WWOX: variants seen among roughly 807,000 people sequenced by gnomAD.
WWOX encodes WW domain-containing oxidoreductase.
A neutral mutation model predicts 46.2 loss-of-function variants in WWOX; 69 were observed. That is an observed-to-expected ratio of 1.49 (90% confidence interval 1.23 to 1.82). The LOEUF (loss-of-function observed/expected upper bound fraction) is 1.82, where lower values mean the gene tolerates loss of function less well. WWOX is among the 40% of genes most tolerant of loss of function. The pLI, the probability that WWOX is intolerant of heterozygous loss-of-function variation, is 0.00. For missense variants in WWOX, 919 were observed against 542.6 expected (o/e 1.69, Z -6.89); for synonymous variants, 359 against 202.6 (o/e 1.77, Z -6.56).
At chr16:78,611,873 A>G (rs2045908451) in intron 8 of WWOX, among the ~76,000 whole-genome samples, 1 of 152,238 alleles carries the variant, frequency 6.6e-6, no homozygotes, top group African/African-American at 2.4e-5. Flanking sequence ...GGGGCGTGGC[A>G]TTGCTTCTCT....
chr16:78,593,474 C>A (rs2045399375), intron 8 of WWOX, among the ~76,000 whole-genome samples: 1 of 152,196 alleles, frequency 6.6e-6, no homozygotes, highest in Non-Finnish European at 1.5e-5. Flanking sequence ...AAATCAAAAC[C>A]ATTCCTACCA....
intron 5 of WWOX, among the ~76,000 whole-genome samples, chr16:78,310,470 T>TC (rs1808836407): frequency 6.6e-6 from 1 of 152,324 alleles, no homozygotes; most frequent in East Asian, 1.9e-4. Flanking sequence ...CAAGGCCAAA[T>TC]CACCAGATTG....
intron 8 of WWOX, among the ~76,000 whole-genome samples, chr16:78,465,707 T>C (rs893423728): frequency 1.3e-5 from 2 of 152,250 alleles, no homozygotes; most frequent in Admixed American, 6.5e-5. Context: ...GCATATTTCC[T>C]TTTAATTGCC....
intron 5 of WWOX, among the ~76,000 whole-genome samples, chr16:78,358,866 C>CTTT (rs57364873): frequency 0.064 from 7,788 of 120,794 alleles, 371 homozygotes; most frequent in Middle Eastern, 0.13. Flanking sequence ...ACACTGTGGT[C>CTTT]TTTTTTTTTT....
chr16:78,124,259 T>A (rs2151687980), intron 4 of WWOX: 1 of 152,344 alleles, frequency 6.6e-6, no homozygotes, highest in East Asian at 1.9e-4. Context: ...CAAAGCTATT[T>A]CACCAGAGTA....
chr16:78,767,010 C>T (rs904836042), intron 8 of WWOX, among the ~76,000 whole-genome samples: 2 of 152,240 alleles, frequency 1.3e-5, no homozygotes, highest in African/African-American at 4.8e-5. Context: ...TTTTCAAGGT[C>T]AATCCATATT....
chr16:78,150,884 TG>T (rs1277680829), intron 4 of WWOX, among the ~76,000 whole-genome samples: 2 of 151,920 alleles, frequency 1.3e-5, no homozygotes, highest in African/African-American at 4.8e-5. Context: ...CAAAGGTTTT[TG>T]TTTTTTTAGA....
At chr16:79,028,321 G>C (rs1008286465) in intron 8 of WWOX, among the ~76,000 whole-genome samples, 1 of 151,802 alleles carries the variant, frequency 6.6e-6, no homozygotes, top group East Asian at 1.9e-4. Flanking sequence ...GGATGTAGTT[G>C]GGTGACACTA....
intron 8 of WWOX, among the ~76,000 whole-genome samples, chr16:78,884,934 C>G (rs1022883215): frequency 1.3e-5 from 2 of 152,162 alleles, no homozygotes; most frequent in East Asian, 3.8e-4. Flanking sequence ...CTTTTCCCAT[C>G]AATTCATGTT....
chr16:78,509,767 G>A (rs189016077), intron 8 of WWOX, among the ~76,000 whole-genome samples: 2 of 152,176 alleles, frequency 1.3e-5, no homozygotes, highest in East Asian at 1.9e-4. Context: ...AAATTGAAGC[G>A]TACAGTGCCT....
At chr16:78,440,389 C>T (rs2083417599) in intron 8 of WWOX, among the ~76,000 whole-genome samples, 2 of 152,076 alleles carry the variant, frequency 1.3e-5, no homozygotes, top group Admixed American at 6.6e-5. Context: ...AATTTCTACC[C>T]ATCCTGCAAA....
rs530241414 is a variant in WWOX, at chr16:78,852,398, C to G, written c.1057-359210C>G. Among the ~76,000 whole-genome samples the G allele has an allele frequency of 3.3e-5, 5 of 152,192 alleles. No individual in the cohort carries two copies. In the South Asian group the frequency reaches 6.2e-4, roughly 19 times the overall value. Reference sequence around the variant, plus strand: ...CACTCCTTGTGGCAGAAGCTAGACACCATGTTGCGAGGATACTCAAACAGC... The same window carrying G: ...CACTCCTTGTGGCAGAAGCTAGACAGCATGTTGCGAGGATACTCAAACAGC... On this transcript the variant is annotated intron_variant, in intron 8 of 8. Coordinates refer to ENST00000566780, the MANE Select transcript of WWOX (RefSeq NM_016373.4).
intron 8 of WWOX, among the ~76,000 whole-genome samples, chr16:78,598,835 T>G (rs62034040): frequency 0.031 from 4,763 of 152,222 alleles, 95 homozygotes; most frequent in Non-Finnish European, 0.044. Context: ...CATTGTCCCC[T>G]TCATACAAAT....
At chr16:78,746,567 G>A (rs180823874) in intron 8 of WWOX, among the ~76,000 whole-genome samples, 491 of 151,552 alleles carry the variant, frequency 3.2e-3, no homozygotes, top group Non-Finnish European at 6.1e-3. Context: ...GAACTTTCTT[G>A]CTCCTGGATT....
At position 78,561,691 on chromosome 16, in the gene WWOX, C is replaced by G. The variant is rs148394821; in HGVS notation, c.1056+128939C>G. On this transcript the variant is annotated intron_variant, in intron 8 of 8. Transcript: ENST00000566780. Reference sequence around the variant, plus strand: ...AGGGGGTAATTGAAGAAGATATAAACTGCAAAGAAAGGATGTTAGGTAGAG... The same window carrying G: ...AGGGGGTAATTGAAGAAGATATAAAGTGCAAAGAAAGGATGTTAGGTAGAG... 6.7e-3 allele frequency among the ~76,000 whole-genome samples: 1,024 copies of G among 151,894 alleles called. 18 individuals carry two copies. Among genetic ancestry groups the G allele is most frequent in the African/African-American group, 0.023 (968 of 41,408 alleles).
chr16:78,461,761 C>G (rs752370909), intron 8 of WWOX, among the ~76,000 whole-genome samples: 2 of 152,216 alleles, frequency 1.3e-5, no homozygotes, highest in Non-Finnish European at 2.9e-5. Context: ...CGAGCCCTCC[C>G]TTTTCCCGTC....
rs1038543519 is a variant in WWOX, at chr16:78,761,168, A to G, written c.1056+328416A>G. Among the ~76,000 whole-genome samples, 5 of 152,160 alleles carry G rather than the reference A, an allele frequency of 3.3e-5. No individual in the cohort carries two copies. In the South Asian group the frequency reaches 6.2e-4, roughly 19 times the overall value. On this transcript the variant is annotated intron_variant, in intron 8 of 8. Coordinates refer to ENST00000566780, the MANE Select transcript of WWOX (RefSeq NM_016373.4). ...GGGGGCTGTTTCTTGTTGTGTTCTT[A>G]TAAGAACTATTGCATTTTCTTTTTC... is the stretch of plus-strand genomic sequence containing the variant.
In WWOX at chr16:78,759,018, C is replaced by G. The variant is rs150472233; in HGVS notation, c.1056+326266C>G. 3.0e-3 allele frequency among the ~76,000 whole-genome samples: 455 copies of G among 151,226 alleles called. 1 individual carries two copies. Among genetic ancestry groups the G allele is most frequent in the African/African-American group, 6.9e-3 (285 of 41,288 alleles). On this transcript the variant is annotated intron_variant, in intron 8 of 8. Transcript: ENST00000566780. ...GTGTTTAATTCGAAGCTCCTGATGT[C>G]TAGCAGGAACCTGGAACTTCCCTTT...
intron 8 of WWOX, among the ~76,000 whole-genome samples, chr16:78,832,778 C>T (rs1184938631): frequency 2.6e-5 from 4 of 152,146 alleles, no homozygotes; most frequent in Admixed American, 2.6e-4. Context: ...GGGGAGGCGC[C>T]TTTACAGAGG....
Sources: gnomAD v4.1 joint callset for allele counts (sites outside exome capture counted in the v4.1 genomes callset) on GRCh38, gnomAD v4.1.1 for gene constraint, MANE v1.5 for transcripts, NCBI Gene and HGNC (gene_info 2026-07-23, HGNC 2026-07-21) for gene names.